The following ABCA13 variants were observed in gnomAD, a reference collection of about 807,000 sequenced individuals.
The protein encoded by ABCA13 is ATP-binding cassette sub-family A member 13.
A neutral mutation model predicts 478.7 loss-of-function variants in ABCA13; 476 were observed. That is an observed-to-expected ratio of 0.99 (90% CI 0.92 to 1.07). The LOEUF is 1.07. ABCA13 is among the 50% of genes least tolerant of loss of function. The pLI is 0.00. For missense variants in ABCA13, 6,060 were observed against 5,910.6 expected (o/e 1.03, Z -0.83); for synonymous variants, 2,252 against 2,158.9 (o/e 1.04, Z -1.20).
At chr7:48,411,613 A>C (rs922761038) in intron 40 of ABCA13, among the ~76,000 whole-genome samples, 1 of 152,104 alleles carries the variant, frequency 6.6e-6, no homozygotes, top group Admixed American at 6.5e-5. Flanking sequence ...CAGCCTAGAA[A>C]TATTTTTTTG....
At chr7:48,366,468 C>T (rs1811688416) in intron 31 of ABCA13, among the ~76,000 whole-genome samples, 1 of 152,012 alleles carries the variant, frequency 6.6e-6, no homozygotes, top group Non-Finnish European at 1.5e-5. Flanking sequence ...TTCTGTGCTG[C>T]TATCACAGAA....
chr7:48,558,172 TCCC>T (rs1786053622), intron 55 of ABCA13, among the ~76,000 whole-genome samples: 4 of 50,096 alleles, frequency 8.0e-5, no homozygotes, highest in African/African-American at 3.2e-4. Flanking sequence ...CCTCCCTCCC[TCCC>T]TTCCTCCCTT....
At chr7:48,565,269 CAA>C (rs10559412) in intron 55 of ABCA13, among the ~76,000 whole-genome samples, 19,847 of 103,184 alleles carry the variant, frequency 0.19, 1,726 homozygotes, top group African/African-American at 0.3. Flanking sequence ...TGGGCAAGAA[CAA>C]AAAAAAAAAA....
Position 48,593,193 on chromosome 7 carries a change from T to G in ABCA13, c.14641-1517T>G, listed in dbSNP as rs187771884. On this transcript the variant is annotated intron_variant, in intron 57 of 61. Coordinates refer to ENST00000435803, the MANE Select transcript of ABCA13 (RefSeq NM_152701.5). ...TTTCTTTTAATTTGATAATTTTTTT[T>G]TGTGTTGGTATGTTGGTATGCTTTG... is the stretch of plus-strand genomic sequence containing the variant. 9.0e-4 allele frequency among the ~76,000 whole-genome samples: 136 copies of G among 151,856 alleles called. 1 individual carries two copies. Among genetic ancestry groups the G allele is most frequent in the African/African-American group, 2.0e-3 (83 of 41,522 alleles).
chr7:48,391,613 T>G (rs1816060544), intron 37 of ABCA13, among the ~76,000 whole-genome samples: 1 of 152,210 alleles, frequency 6.6e-6, no homozygotes, highest in Non-Finnish European at 1.5e-5. Context: ...GTAGGTTAGA[T>G]GTAAATAGAT....
Position 48,278,155 on chromosome 7 carries a change from A to G in ABCA13, c.6961A>G (p.Ile2321Val), listed in dbSNP as rs1339676140. 14 of 1,533,142 alleles carry G rather than the reference A, an allele frequency of 9.1e-6. No homozygotes were observed. Among genetic ancestry groups the G allele is most frequent in the Non-Finnish European group, 1.1e-5 (12 of 1,136,760 alleles). 95.0% of individuals were successfully genotyped at this position (1,533,142 alleles called of 1,614,324 possible). A position where few individuals can be genotyped will look rare whatever the true frequency, so the allele number is the denominator to read the frequency against. The change falls in exon 18 of 62, where the codon ATA becomes GTA. Residue 2321 changes from isoleucine to valine, a missense_variant. By Grantham distance (29) the Ile-to-Val change is conservative. This residue lies in a region of ABCA13 where 4,423 missense variants were observed against 4,309.1 expected (regional missense o/e 1.03). Transcript: ENST00000435803. Reference sequence around the variant, plus strand: ...ACTGGATCAATTTCTTACCCTGATGATACAAGACAGATTGATGAACATTTT... The same window carrying G: ...ACTGGATCAATTTCTTACCCTGATGGTACAAGACAGATTGATGAACATTTT... ...LKLDQFLTLMIQDRLMNIFSS... is the reference protein window; with the variant it reads ...LKLDQFLTLMVQDRLMNIFSS...
chr7:48,305,550 C>T (rs1048630950), intron 23 of ABCA13, among the ~76,000 whole-genome samples: 4 of 152,188 alleles, frequency 2.6e-5, no homozygotes, highest in Non-Finnish European at 4.4e-5. Flanking sequence ...AATCACTGTC[C>T]GTGTTTCCCT....
At chr7:48,230,737 ATCCATCCATCCG>A (rs1372157924) in intron 7 of ABCA13, among the ~76,000 whole-genome samples, 5 of 147,028 alleles carry the variant, frequency 3.4e-5, no homozygotes, top group Admixed American at 2.7e-4. Context: ...TCATCCATTA[ATCCATCCATCCG>A]TCCATCCATC....
rs1275381114 is a variant in ABCA13, at chr7:48,274,614, A to C, written c.4948A>C (p.Ser1650Arg). ...NSLMPVVHHT[S>R]PQNAGYMQAL... The stretch of plus-strand genomic sequence containing the variant: ...CTTAATGCCTGTAGTTCATCACACT[A>C]GTCCACAAAATGCAGGTTATATGCA... The change falls in exon 17 of 62, where the codon AGT (serine) becomes CGT (arginine). Residue 1650 changes from serine (S) to arginine (R), a missense_variant. Around this residue, in one of 3 missense-constraint regions of ABCA13, gnomAD observed 4,423 missense variants for 4,309.1 expected, o/e 1.03. Transcript: ENST00000435803. 3 of 1,613,996 alleles carry C rather than the reference A, an allele frequency of 1.9e-6. No homozygotes were observed. Among genetic ancestry groups the C allele is most frequent in the Non-Finnish European group, 2.5e-6 (3 of 1,179,850 alleles).
chr7:48,272,787 G>C lies in ABCA13; in HGVS notation c.3121G>C (p.Glu1041Gln). 6.2e-7 allele frequency: 1 copy of C among 1,604,858 alleles called. No individual in the cohort carries two copies. Among genetic ancestry groups the C allele is most frequent in the Non-Finnish European group, 8.5e-7 (1 of 1,174,586 alleles). Residue 1041 changes from glutamate (E) to glutamine (Q), a missense_variant, in exon 17 of 62, where the codon GAG becomes CAG. Coordinates refer to ENST00000435803, the MANE Select transcript of ABCA13 (RefSeq NM_152701.5). ...QQLLSIFNFL[E>Q]LQAQSFMSTE... ...ATTGCTTTCAATTTTTAACTTTTTGGAGCTTCAGGCCCAATCCTTCATGTC... is the reference window on the plus strand; with the variant it reads ...ATTGCTTTCAATTTTTAACTTTTTGCAGCTTCAGGCCCAATCCTTCATGTC...
rs142715446 is a variant in ABCA13, at chr7:48,510,450, G to A, written c.13525-634G>A. ...GTGAGGCTGGATAGGGAGGTAGTGT[G>A]AGGAGCCTGTCCTTGGTTCTACGTG... On this transcript the variant is annotated intron_variant, in intron 50 of 61. Transcript: ENST00000435803. 1.2e-3 allele frequency among the ~76,000 whole-genome samples: 176 copies of A among 152,320 alleles called. 1 individual carries two copies. Among genetic ancestry groups the A allele is most frequent in the Middle Eastern group, 6.8e-3 (2 of 294 alleles).
At chr7:48,191,990 G>C (rs890842575) in intron 1 of ABCA13, among the ~76,000 whole-genome samples, 40 of 152,172 alleles carry the variant, frequency 2.6e-4, no homozygotes, top group African/African-American at 8.9e-4. Context: ...AGATTTTTAG[G>C]TTTTTTTTTG....
chr7:48,416,940 CTTT>C (rs34991265), intron 41 of ABCA13, among the ~76,000 whole-genome samples: 6 of 146,758 alleles, frequency 4.1e-5, no homozygotes, highest in South Asian at 2.2e-4. Flanking sequence ...CTGCATATAC[CTTT>C]TTTTTTTTTT....
At chr7:48,559,792 T>A (rs73111405) in intron 55 of ABCA13, among the ~76,000 whole-genome samples, 21,069 of 152,128 alleles carry the variant, frequency 0.14, 1,822 homozygotes, top group African/African-American at 0.23. Context: ...AGGCAGCGGG[T>A]TCCCTTCTGG....
Position 48,254,898 on chromosome 7 carries a change from C to T in ABCA13, c.2005+5547C>T, listed in dbSNP as rs11979095. On this transcript the variant is annotated intron_variant, in intron 15 of 61. Coordinates refer to ENST00000435803, the MANE Select transcript of ABCA13 (RefSeq NM_152701.5). The stretch of plus-strand genomic sequence containing the variant: ...TTCTTATTTTCGTAGCCTCTCTTCC[C>T]TCATTTTTGTTTTGGAAACAACAGT... 7.6e-3 allele frequency among the ~76,000 whole-genome samples: 1,160 copies of T among 152,200 alleles called. 10 individuals are homozygous for T. Among genetic ancestry groups the T allele is most frequent in the African/African-American group, 0.027 (1,108 of 41,532 alleles).
intron 48 of ABCA13, 78 bp from the exon 49 acceptor site, chr7:48,506,258 C>T: frequency 6.8e-7 from 1 of 1,461,270 alleles, no homozygotes; most frequent in Admixed American, 1.7e-5. Context: ...CACAGGGAAT[C>T]TGCGTAGCCT....
intron 47 of ABCA13, among the ~76,000 whole-genome samples, chr7:48,487,476 C>G (rs934277554): frequency 2.6e-5 from 4 of 151,848 alleles, no homozygotes; most frequent in African/African-American, 9.7e-5. Context: ...AGTGTGGTGT[C>G]ATTTTTAAGT....
chr7:48,279,234 C>G lies in ABCA13; in HGVS notation c.8040C>G (p.Cys2680Trp), dbSNP rs768207343. 3.8e-5 allele frequency: 60 copies of G among 1,589,424 alleles called. No homozygotes were observed. The highest frequency in any genetic ancestry group is 5.0e-5 in the Non-Finnish European group (58 of 1,166,628). Reference protein sequence around the residue: ...SVNLREEILGCLVPINNITNQ... With the variant: ...SVNLREEILGWLVPINNITNQ... ...ACTTACGGGAAGAAATTCTGGGTTG[C>G]TTAGTTCCTATAAATAACATCACCA... is the stretch of plus-strand genomic sequence containing the variant. The change falls in exon 18 of 62, where the codon TGC becomes TGG. Residue 2680 changes from cysteine (C) to tryptophan (W), a missense_variant. Transcript: ENST00000435803.
intron 35 of ABCA13, among the ~76,000 whole-genome samples, chr7:48,382,891 A>G (rs1449668676): frequency 1.3e-5 from 2 of 151,970 alleles, no homozygotes; most frequent in Non-Finnish European, 2.9e-5. Flanking sequence ...GATGACTGAC[A>G]TCTTCCTGGA....
Sources: gnomAD v4.1 joint callset for allele counts (sites outside exome capture counted in the v4.1 genomes callset) on GRCh38, gnomAD v4.1.1 for gene constraint, gnomAD v4.1.1 regional missense constraint, MANE v1.5 for transcripts, NCBI Gene and HGNC (gene_info 2026-07-23, HGNC 2026-07-21) for gene names.